Variants in KLHL29 observed in about 807,000 individuals in gnomAD.
The protein encoded by KLHL29 is kelch-like protein 29.
KLHL29 carries 21 observed loss-of-function variants against 80.4 expected under a neutral mutation model. That is an observed-to-expected ratio of 0.26 (90% CI 0.19 to 0.38). KLHL29 has a LOEUF of 0.38. KLHL29 is among the 10% of genes least tolerant of loss of function. The pLI, the probability that KLHL29 is intolerant of heterozygous loss-of-function variation, is 1.00. For synonymous variants in KLHL29, 511 were observed against 526.8 expected, an observed-to-expected ratio of 0.97 and a Z score of 0.41; for missense variants, 867 against 1,223.9, an observed-to-expected ratio of 0.71 and a Z score of 4.35.
intron 2 of KLHL29, among the ~76,000 whole-genome samples, chr2:23,497,270 ATC>A (rs1026240510): frequency 6.6e-6 from 1 of 151,696 alleles, no homozygotes; most frequent in African/African-American, 2.4e-5. Flanking sequence ...CTCCTTGGCA[ATC>A]TCTCTGTGGT....
rs1669790703 is a variant in KLHL29, at chr2:23,642,324, C to G, written c.428-14C>G. The stretch of plus-strand genomic sequence containing the variant: ...TGTAACCGGCAGATGACGTTTCTTC[C>G]ATCTCCCTTGCAGGCACAGGGCCAT... On this transcript the variant is annotated splice_polypyrimidine_tract_variant and intron_variant, in intron 4 of 13. Coordinates refer to ENST00000486442, the MANE Select transcript of KLHL29 (RefSeq NM_052920.2). 1 of 1,395,744 alleles carries G rather than the reference C, an allele frequency of 7.2e-7. No individual in the cohort carries two copies. The highest frequency in any genetic ancestry group is 3.1e-5 in the Admixed American group (1 of 32,470). 86.5% of individuals were successfully genotyped at this position (1,395,744 alleles called of 1,614,324 possible).
Position 23,596,054 on chromosome 2 carries a change from C to T in KLHL29, c.285+33573C>T, listed in dbSNP as rs1668385986. Among the ~76,000 whole-genome samples the T allele has an allele frequency of 6.6e-6, 1 of 152,222 alleles. No individual in the cohort carries two copies. The highest frequency in any genetic ancestry group is 1.5e-5 in the Non-Finnish European group (1 of 68,046). ...TGTGGCATTGGGTCCACATTTGCTGCCAGCATAGCCTCTGGAATGCACGGC... is the reference window on the plus strand; with the variant it reads ...TGTGGCATTGGGTCCACATTTGCTGTCAGCATAGCCTCTGGAATGCACGGC... On this transcript the variant is annotated intron_variant, in intron 3 of 13. Transcript: ENST00000486442. This position sits in a 1 kb window ranked among gnomAD's most constrained non-coding sequence, Gnocchi z 4.4.
intron 3 of KLHL29, among the ~76,000 whole-genome samples, chr2:23,634,323 G>A (rs148412996): frequency 5.1e-4 from 77 of 152,294 alleles, no homozygotes; most frequent in East Asian, 9.6e-4. Context: ...TGTGCACCCC[G>A]GAAGTGGACT....
At chr2:23,594,622 T>C (rs1432220602) in intron 3 of KLHL29, among the ~76,000 whole-genome samples, 1 of 152,154 alleles carries the variant, frequency 6.6e-6, no homozygotes, top group Non-Finnish European at 1.5e-5. Flanking sequence ...GAGGAATTGG[T>C]GAAACAGAAA....
intron 6 of KLHL29, among the ~76,000 whole-genome samples, chr2:23,688,403 C>G (rs1335425854): frequency 6.6e-6 from 1 of 152,188 alleles, no homozygotes; most frequent in East Asian, 1.9e-4. Context: ...TTCCAACTTG[C>G]AAAATGAAAA....
intron 2 of KLHL29, among the ~76,000 whole-genome samples, chr2:23,516,447 C>T (rs893093161): frequency 1.3e-5 from 2 of 152,122 alleles, no homozygotes; most frequent in Non-Finnish European, 2.9e-5. Flanking sequence ...CCCCCAGCAC[C>T]GAGAAACAAA....
At chr2:23,599,952 C>T (rs565950657) in intron 3 of KLHL29, among the ~76,000 whole-genome samples, 1 of 152,288 alleles carries the variant, frequency 6.6e-6, no homozygotes, top group Non-Finnish European at 1.5e-5. Context: ...GGCCCAAGCC[C>T]CCCATCCCCC....
intron 1 of KLHL29, among the ~76,000 whole-genome samples, chr2:23,459,456 G>A (rs1664148816): frequency 6.6e-6 from 1 of 152,146 alleles, no homozygotes; most frequent in Admixed American, 6.5e-5. Flanking sequence ...AAAGAGAAGA[G>A]GGCCTGGCAA....
intron 2 of KLHL29, among the ~76,000 whole-genome samples, chr2:23,532,298 T>C (rs1414034820): frequency 2.0e-5 from 3 of 152,220 alleles, no homozygotes; most frequent in Admixed American, 2.0e-4. Context: ...TAAAACTCTA[T>C]TAACTCCCTG....
intron 1 of KLHL29, among the ~76,000 whole-genome samples, chr2:23,447,956 G>A (rs993874241): frequency 1.3e-5 from 2 of 152,112 alleles, no homozygotes; most frequent in African/African-American, 4.8e-5. Flanking sequence ...GGGATTATGA[G>A]CCTGGAGGAA....
rs1284946059 is a variant in KLHL29, at chr2:23,703,780, T to C, written c.2361T>C (p.Tyr787=). Residue 787 remains tyrosine (Y), a synonymous_variant, in exon 13 of 14, where the codon TAT becomes TAC. Transcript: ENST00000486442. The part of the protein sequence containing the change: ...NGFVFILGGA[Y]ARATTIYDPE... Reference sequence around the variant, plus strand: ...TCGTTTTCATCCTGGGCGGGGCTTATGCCAGAGCTACCACCATCTACGACC... The same window carrying C: ...TCGTTTTCATCCTGGGCGGGGCTTACGCCAGAGCTACCACCATCTACGACC... 6.5e-7 allele frequency: 1 copy of C among 1,537,422 alleles called. No homozygotes were observed. Among genetic ancestry groups the C allele is most frequent in the Admixed American group, 2.0e-5 (1 of 50,998 alleles).
intron 1 of KLHL29, among the ~76,000 whole-genome samples, chr2:23,430,356 C>T (rs557619213): frequency 2.0e-5 from 3 of 152,378 alleles, no homozygotes; most frequent in African/African-American, 4.8e-5. Flanking sequence ...TTTCCCCACT[C>T]ATTCTGAAAG....
intron 2 of KLHL29, among the ~76,000 whole-genome samples, chr2:23,520,832 C>T (rs1157068696): frequency 2.6e-5 from 4 of 152,174 alleles, no homozygotes; most frequent in Admixed American, 1.3e-4. Context: ...ATGAGATCCC[C>T]GAATAAAGTT....
At chr2:23,425,682 C>T (rs1412602332) in intron 1 of KLHL29, among the ~76,000 whole-genome samples, 1 of 152,194 alleles carries the variant, frequency 6.6e-6, no homozygotes, top group Non-Finnish European at 1.5e-5. Context: ...TGGCTGATCC[C>T]CGCTAAGCTG....
intron 1 of KLHL29, among the ~76,000 whole-genome samples, chr2:23,437,174 A>C (rs1343397682): frequency 2.0e-5 from 3 of 152,238 alleles, no homozygotes; most frequent in African/African-American, 2.4e-5. Flanking sequence ...GATCTGAATC[A>C]GTTATTTAAA....
chr2:23,628,950 CAGAG>C, intron 3 of KLHL29, among the ~76,000 whole-genome samples: 1 of 152,360 alleles, frequency 6.6e-6, no homozygotes, highest in African/African-American at 2.4e-5. Flanking sequence ...TATCAAAGGC[CAGAG>C]CAGGGGCTGC....
At chr2:23,517,326 T>C (rs1665967114) in intron 2 of KLHL29, among the ~76,000 whole-genome samples, 1 of 152,154 alleles carries the variant, frequency 6.6e-6, no homozygotes, top group South Asian at 2.1e-4. Flanking sequence ...GGGTGGATCA[T>C]GAGGTCAGGA....
At chr2:23,620,722 C>T (rs933163789) in intron 3 of KLHL29, among the ~76,000 whole-genome samples, 7 of 152,104 alleles carry the variant, frequency 4.6e-5, no homozygotes, top group Admixed American at 4.6e-4. Context: ...GGCAACTGGG[C>T]AACAAGACCA....
Position 23,707,173 on chromosome 2 carries a change from C to CT in KLHL29, c.*510dup, listed in dbSNP as rs2149235013. On this transcript the variant is annotated 3_prime_UTR_variant, in exon 14 of 14. Coordinates refer to ENST00000486442, the MANE Select transcript of KLHL29 (RefSeq NM_052920.2). ...GGGACAATACTGTGCATCACAAGGC[C>CT]TAGGAGGCTGCTGGTCCCCACTGGG... The CT allele has an allele frequency of 6.6e-6, 1 of 152,418 alleles. No individual in the cohort carries two copies. Among genetic ancestry groups the CT allele is most frequent in the East Asian group, 1.9e-4 (1 of 5,186 alleles). The allele number at this position is 152,418 out of a possible 1,614,324, so 9.4% of individuals were successfully genotyped here.
Sources: gnomAD v4.1 joint callset for allele counts (sites outside exome capture counted in the v4.1 genomes callset) on GRCh38, gnomAD v4.1.1 for gene constraint, Gnocchi (gnomAD v3.1) non-coding constraint, MANE v1.5 for transcripts, NCBI Gene and HGNC (gene_info 2026-07-23, HGNC 2026-07-21) for gene names.